DENND5B: variants seen among roughly 807,000 people sequenced by gnomAD.
The protein encoded by DENND5B is DENN domain containing 5B.
DENND5B carries 34 observed loss-of-function variants against 140.6 expected under a neutral mutation model. The observed-to-expected ratio is 0.24, with a 90% CI of 0.18 to 0.32. DENND5B has a LOEUF of 0.32. Among genes scored for constraint, DENND5B ranks in the 10% least tolerant of loss-of-function variants. The pLI is 1.00. For missense variants in DENND5B, 1,142 were observed against 1,560.2 expected (o/e 0.73, Z 4.52); for synonymous variants, 551 against 562.1 (o/e 0.98, Z 0.28).
chr12:31,479,669 A>G lies in DENND5B; in HGVS notation c.824T>C (p.Phe275Ser). 6.3e-7 allele frequency: 1 copy of G among 1,578,120 alleles called. No homozygotes were observed. The highest frequency in any genetic ancestry group is 8.6e-7 in the Non-Finnish European group (1 of 1,162,586). ...CAGGTTCTCTAATCCCAGGAGCTCA[A>G]ATGCCTCCCGAAGGGGGTAATCAGA... ...PLSDYPLREA[F>S]ELLGLENLVQ... The change falls in exon 3 of 21, where the codon TTT (phenylalanine) becomes TCT (serine). Residue 275 changes from phenylalanine (F) to serine (S), a missense_variant. Phe to Ser is a radical substitution (Grantham distance 155). Coordinates refer to ENST00000389082, the MANE Select transcript of DENND5B (RefSeq NM_144973.4).
At chr12:31,574,297 T>TAATAATAATAATAATAATTA (rs1592078386) in intron 1 of DENND5B, among the ~76,000 whole-genome samples, 1 of 147,490 alleles carries the variant, frequency 6.8e-6, no homozygotes, top group Non-Finnish European at 1.5e-5. Context: ...ATAATAATAA[T>TAATAATAATAATAATAATTA]TTAAAAGGGA....
At chr12:31,512,442 G>C (rs1947464679) in intron 1 of DENND5B, among the ~76,000 whole-genome samples, 1 of 150,466 alleles carries the variant, frequency 6.6e-6, no homozygotes, top group Non-Finnish European at 1.5e-5. Context: ...ATGTTGCTCA[G>C]GCTGGTCTCA....
At chr12:31,588,391 T>C (rs949859767) in intron 1 of DENND5B, among the ~76,000 whole-genome samples, 2 of 152,220 alleles carry the variant, frequency 1.3e-5, no homozygotes, top group Admixed American at 6.5e-5. Flanking sequence ...TGGAGAACTA[T>C]ATACAGTCGG....
In DENND5B at chr12:31,442,809, A is replaced by C. The variant is rs1000296706; in HGVS notation, c.1978T>G (p.Ser660Ala). 1.9e-6 allele frequency: 3 copies of C among 1,613,618 alleles called. No homozygotes were observed. The African/African-American group carries it at 4.0e-5, about 22-fold the overall frequency. The change falls in exon 7 of 21, where the codon TCC becomes GCC. Residue 660 changes from serine (S) to alanine (A), a missense_variant. Around this residue, in one of 5 missense-constraint regions of DENND5B, gnomAD observed 708 missense variants for 905.5 expected, o/e 0.78. Transcript: ENST00000389082. Reference protein sequence around the residue: ...YEQGFFPKLQSDVLATGPTSN... With the variant: ...YEQGFFPKLQADVLATGPTSN... The stretch of plus-strand genomic sequence containing the variant: ...GTTGGTCCTGTTGCCAAGACATCGG[A>C]CTGTAACTTTGGAAAGAACCCCTGC...
In DENND5B at chr12:31,480,268, G is replaced by GAAA; in HGVS notation, c.238-16_238-14dup. Reference sequence around the variant, plus strand: ...TAGGCATGCACAACTGTGAAAGAAAGAAAAAAAAAAATCAGAATGCAGTAC... The same window carrying GAAA: ...TAGGCATGCACAACTGTGAAAGAAAGAAAAAAAAAAAAAATCAGAATGCAGTAC... On this transcript the variant is annotated splice_polypyrimidine_tract_variant and intron_variant, in intron 2 of 20. Transcript: ENST00000389082. The GAAA allele has an allele frequency of 9.0e-7, 1 of 1,114,690 alleles. No homozygotes were observed. 69.0% of individuals were successfully genotyped at this position (1,114,690 alleles called of 1,614,324 possible). A position where few individuals can be genotyped will look rare whatever the true frequency, so the allele number is the denominator to read the frequency against.
In DENND5B at chr12:31,386,462, A is replaced by G. The variant is rs746415180; in HGVS notation, c.*1141T>C. The stretch of plus-strand genomic sequence containing the variant: ...AGCTTCTCTGGGTCAGTTGTTTTAC[A>G]TTATTACTCCCCTTCCTACAAAGGA... On this transcript the variant is annotated 3_prime_UTR_variant, in exon 21 of 21. Transcript: ENST00000389082. The G allele has an allele frequency of 6.6e-6, 1 of 152,294 alleles. No individual in the cohort carries two copies. Among genetic ancestry groups the G allele is most frequent in the Non-Finnish European group, 1.5e-5 (1 of 68,128 alleles). The allele number at this position is 152,294 out of a possible 1,614,324, so 9.4% of individuals were successfully genotyped here.
intron 2 of DENND5B, among the ~76,000 whole-genome samples, chr12:31,492,176 G>A (rs1946551754): frequency 6.7e-6 from 1 of 149,392 alleles, no homozygotes; most frequent in Non-Finnish European, 1.5e-5. Flanking sequence ...CAGCCTTTGC[G>A]ATTATTCTTC....
chr12:31,384,613 C>T lies in DENND5B; in HGVS notation c.*2990G>A, dbSNP rs1488545111. 6.6e-6 allele frequency: 1 copy of T among 152,070 alleles called. No homozygotes were observed. Among genetic ancestry groups the T allele is most frequent in the African/African-American group, 2.4e-5 (1 of 41,404 alleles). The allele number at this position is 152,070 out of a possible 1,614,324, so 9.4% of individuals were successfully genotyped here. A position where few individuals can be genotyped will look rare whatever the true frequency, so the allele number is the denominator to read the frequency against. ...CATCATCCAAGAGGATGTGTCAGTTCTGATGTGTTTTTTTTAAATCATCAT... is the reference window on the plus strand; with the variant it reads ...CATCATCCAAGAGGATGTGTCAGTTTTGATGTGTTTTTTTTAAATCATCAT... On this transcript the variant is annotated 3_prime_UTR_variant, in exon 21 of 21. Coordinates refer to ENST00000389082, the MANE Select transcript of DENND5B (RefSeq NM_144973.4).
chr12:31,387,742 G>A lies in DENND5B; in HGVS notation c.3686C>T (p.Pro1229Leu). Reference protein sequence around the residue: ...PQWIPLLAECPAITRMYEESA... With the variant: ...PQWIPLLAECLAITRMYEESA... The stretch of plus-strand genomic sequence containing the variant: ...CTCTTCATACATTCGAGTGATGGCA[G>A]GACACTCAGCTAACAATGGAATCCA... The change falls in exon 21 of 21, where the codon CCT (proline) becomes CTT (leucine). Residue 1229 changes from proline (P) to leucine (L), a missense_variant. Physicochemically the swap from Pro to Leu is moderately conservative, Grantham distance 98. Around this residue, in one of 5 missense-constraint regions of DENND5B, gnomAD observed 125 missense variants for 179.0 expected, o/e 0.70. Transcript: ENST00000389082. 1 of 1,613,980 alleles carries A rather than the reference G, an allele frequency of 6.2e-7. No homozygotes were observed. Among genetic ancestry groups the A allele is most frequent in the Non-Finnish European group, 8.5e-7 (1 of 1,179,884 alleles).
chr12:31,586,704 T>G (rs1232744032), intron 1 of DENND5B, among the ~76,000 whole-genome samples: 1 of 152,104 alleles, frequency 6.6e-6, no homozygotes, highest in African/African-American at 2.4e-5. Context: ...ACCTGCAGAG[T>G]GTGAATTCTA....
At chr12:31,527,790 A>G (rs1474250860) in intron 1 of DENND5B, among the ~76,000 whole-genome samples, 1 of 152,130 alleles carries the variant, frequency 6.6e-6, no homozygotes, top group African/African-American at 2.4e-5. Context: ...GAAAAAAAAA[A>G]ATCACTCTGA....
At chr12:31,588,805 C>T (rs955712803) in intron 1 of DENND5B, among the ~76,000 whole-genome samples, 5 of 152,102 alleles carry the variant, frequency 3.3e-5, no homozygotes, top group African/African-American at 1.2e-4. Flanking sequence ...TCACAGCTGT[C>T]CCCAGTGCCT....
chr12:31,521,103 C>CTTT (rs1178531393), intron 1 of DENND5B, among the ~76,000 whole-genome samples: 1 of 139,600 alleles, frequency 7.2e-6, no homozygotes, highest in Non-Finnish European at 1.6e-5. Context: ...TAAAGTTGGT[C>CTTT]TTTTTTTTTT....
chr12:31,534,472 T>C (rs558196664), intron 1 of DENND5B, among the ~76,000 whole-genome samples: 3 of 150,566 alleles, frequency 2.0e-5, no homozygotes, highest in Non-Finnish European at 3.0e-5. Context: ...TCTAGGCAAG[T>C]TAAAATTATC....
chr12:31,449,556 T>C (rs559351488), intron 5 of DENND5B, among the ~76,000 whole-genome samples: 1 of 152,262 alleles, frequency 6.6e-6, no homozygotes, highest in Non-Finnish European at 1.5e-5. Flanking sequence ...GAAAGGTACT[T>C]ATAAGCCTTC....
intron 5 of DENND5B, 46 bp from the exon 6 acceptor site, chr12:31,447,815 C>T: frequency 7.6e-7 from 1 of 1,318,978 alleles, no homozygotes; most frequent in Non-Finnish European, 1.1e-6. Flanking sequence ...GAGACCATCT[C>T]AACACTACAT....
At chr12:31,417,898 G>T (rs182175708) in intron 11 of DENND5B, among the ~76,000 whole-genome samples, 1 of 152,252 alleles carries the variant, frequency 6.6e-6, no homozygotes, top group Non-Finnish European at 1.5e-5. Context: ...TCAGGTTTTA[G>T]ATTCATTCTA....
At chr12:31,427,328 CA>C (rs1943285155) in intron 8 of DENND5B, among the ~76,000 whole-genome samples, 1 of 152,004 alleles carries the variant, frequency 6.6e-6, no homozygotes, top group South Asian at 2.1e-4. Context: ...ATCCAGAGGC[CA>C]GGCGGTGGCT....
intron 1 of DENND5B, among the ~76,000 whole-genome samples, chr12:31,571,369 C>T (rs1304421237): frequency 6.6e-6 from 1 of 151,946 alleles, no homozygotes; most frequent in African/African-American, 2.4e-5. Context: ...TAGTGTTTTC[C>T]CCTTTCCATA....
Sources: allele counts gnomAD v4.1 joint callset (sites outside exome capture counted in the v4.1 genomes callset), GRCh38; gene constraint gnomAD v4.1.1; regional missense constraint gnomAD v4.1.1; transcripts MANE v1.5; gene names NCBI Gene and HGNC (gene_info 2026-07-23, HGNC 2026-07-21).